ZMYND11: variants seen among roughly 807,000 people sequenced by gnomAD.
The protein encoded by ZMYND11 is zinc finger MYND domain-containing protein 11.
ZMYND11 carries 9 observed loss-of-function variants against 84.9 expected under a neutral mutation model. The ratio of observed to expected loss-of-function variants is 0.11; its 90% CI spans 0.06 to 0.18. The LOEUF (loss-of-function observed/expected upper bound fraction) is 0.18. Among genes scored for constraint, ZMYND11 ranks in the 10% least tolerant of loss-of-function variants. The pLI is 1.00. For synonymous variants in ZMYND11, 250 were observed against 244.1 expected (o/e 1.02, Z -0.23); for missense variants, 409 against 761.0 (o/e 0.54, Z 5.44).
chr10:249,695 C>T, intron 14 of ZMYND11: 1 of 985,384 alleles, frequency 1.0e-6, no homozygotes, highest in Non-Finnish European at 1.2e-6. Context: ...CCTACAGCCG[C>T]CACAGTGCTC....
rs1013657207 is a variant in ZMYND11, at chr10:247,557, T to C, written c.1227+91T>C. 3.0e-6 allele frequency: 4 copies of C among 1,347,610 alleles called. No homozygotes were observed. The East Asian group carries it at 1.0e-4, about 34-fold the overall frequency. The allele number at this position is 1,347,610 out of a possible 1,614,324, so 83.5% of individuals were successfully genotyped here. ...TATTTTCAAAGTATTTCAAAGACAGTCACTCTTGGTGGATACTTGTGAAAT... is the reference window on the plus strand; with the variant it reads ...TATTTTCAAAGTATTTCAAAGACAGCCACTCTTGGTGGATACTTGTGAAAT... On this transcript the variant is annotated intron_variant, in intron 12 of 14. Transcript: ENST00000381604.
chr10:210,145 A>T (rs1344375178), intron 3 of ZMYND11, 97 bp downstream of exon 3: 4 of 1,336,582 alleles, frequency 3.0e-6, no homozygotes, highest in Non-Finnish European at 4.1e-6. Context: ...CAGAAGTTTA[A>T]TATTTCATTT....
chr10:246,862 G>GCT lies in ZMYND11; in HGVS notation c.1048_1049dup (p.Glu351TrpfsTer38). 1 of 1,614,158 alleles carries GCT rather than the reference G, an allele frequency of 6.2e-7. No homozygotes were observed. Among genetic ancestry groups the GCT allele is most frequent in the Non-Finnish European group, 8.5e-7 (1 of 1,180,026 alleles). On this transcript the variant is annotated frameshift_variant, in exon 11 of 15. Transcript: ENST00000381604. LOFTEE classifies it high-confidence loss of function. ...TGGGTTGGAAAAAGGCCTGTGATGA[G>GCT]CTGGAGCTGCATCAGCGTTTCCTAC...
intron 2 of ZMYND11, among the ~76,000 whole-genome samples, chr10:207,829 A>G (rs1359316385): frequency 1.3e-5 from 2 of 152,188 alleles, no homozygotes; most frequent in Non-Finnish European, 2.9e-5. Context: ...AAAAGAGCCC[A>G]CATCGCCAAG....
intron 1 of ZMYND11, among the ~76,000 whole-genome samples, chr10:179,471 A>G (rs1365506624): frequency 6.6e-6 from 1 of 152,174 alleles, no homozygotes; most frequent in Non-Finnish European, 1.5e-5. Flanking sequence ...AACCTTTCAC[A>G]TCTCATTCCA....
chr10:134,148 T>C (rs1465744781), upstream of ZMYND11, among the ~76,000 whole-genome samples: 1 of 152,226 alleles, frequency 6.6e-6, no homozygotes, highest in East Asian at 1.9e-4. Context: ...CTGCCTATAA[T>C]AAAGTTTAAT....
upstream of ZMYND11, chr10:134,475 C>T (rs1467849163): frequency 6.6e-6 from 1 of 152,258 alleles, no homozygotes; most frequent in Non-Finnish European, 1.5e-5. Context: ...ACTTCTCGCG[C>T]AAATCTGCAG....
At chr10:194,049 A>G (rs1941125082) in intron 2 of ZMYND11, among the ~76,000 whole-genome samples, 1 of 152,090 alleles carries the variant, frequency 6.6e-6, no homozygotes. Context: ...CAATAGTACA[A>G]TCTCAGCTCA....
At chr10:159,315 T>C (rs1217398951) in intron 1 of ZMYND11, among the ~76,000 whole-genome samples, 2 of 152,304 alleles carry the variant, frequency 1.3e-5, no homozygotes, top group East Asian at 3.9e-4. Flanking sequence ...ATTATTGCCA[T>C]GTTCCCCTCT....
intron 2 of ZMYND11, among the ~76,000 whole-genome samples, chr10:196,472 A>G (rs1941776598): frequency 6.6e-6 from 1 of 152,192 alleles, no homozygotes; most frequent in African/African-American, 2.4e-5. Flanking sequence ...AGTTTTTAAG[A>G]TGTATATAAT....
intron 12 of ZMYND11, 56 bp downstream of exon 12, chr10:247,522 A>T (rs1952397863): frequency 1.3e-6 from 2 of 1,559,978 alleles, no homozygotes; most frequent in Admixed American, 3.4e-5. Context: ...AATATTTTCA[A>T]AGTATTTTGT....
intron 4 of ZMYND11, among the ~76,000 whole-genome samples, chr10:232,882 A>G (rs1949246721): frequency 6.6e-6 from 1 of 152,208 alleles, no homozygotes; most frequent in African/African-American, 2.4e-5. Flanking sequence ...TTTGTGCAGT[A>G]AAGTCGATTG....
chr10:149,467 T>A (rs1839791807), intron 1 of ZMYND11, among the ~76,000 whole-genome samples: 1 of 151,930 alleles, frequency 6.6e-6, no homozygotes. Context: ...CCTACCACCA[T>A]GCCTGGCTAA....
chr10:171,369 T>C (rs782665818), intron 1 of ZMYND11, among the ~76,000 whole-genome samples: 13 of 152,086 alleles, frequency 8.5e-5, no homozygotes, highest in Non-Finnish European at 1.9e-4. Flanking sequence ...AGATCACACG[T>C]TCTTCTGAAG....
intron 2 of ZMYND11, among the ~76,000 whole-genome samples, chr10:185,720 C>T (rs1166523124): frequency 1.4e-5 from 2 of 146,322 alleles, no homozygotes; most frequent in Non-Finnish European, 3.0e-5. Context: ...GAGGCTGAGG[C>T]AGGAGAGTCA....
chr10:178,842 C>A (rs143106089), intron 1 of ZMYND11, among the ~76,000 whole-genome samples: 39 of 152,194 alleles, frequency 2.6e-4, no homozygotes, highest in African/African-American at 9.4e-4. Flanking sequence ...GTTTTGATAG[C>A]AACTATATAG....
At chr10:197,055 G>T (rs1425594368) in intron 2 of ZMYND11, among the ~76,000 whole-genome samples, 2 of 148,476 alleles carry the variant, frequency 1.3e-5, no homozygotes, top group Non-Finnish European at 3.0e-5. Context: ...GCCCACGTGC[G>T]CAATGTGTTC....
At chr10:199,623 G>A (rs910574781) in intron 2 of ZMYND11, among the ~76,000 whole-genome samples, 3 of 151,748 alleles carry the variant, frequency 2.0e-5, no homozygotes, top group Non-Finnish European at 4.4e-5. Flanking sequence ...TTGTAGAGAC[G>A]AGGTCTTACT....
At chr10:234,443 T>C (rs901468190) in intron 4 of ZMYND11, among the ~76,000 whole-genome samples, 1 of 152,224 alleles carries the variant, frequency 6.6e-6, no homozygotes, top group Non-Finnish European at 1.5e-5. Context: ...TAGTGAATAT[T>C]AAAATTATAT....
Sources: gnomAD v4.1 joint callset for allele counts (sites outside exome capture counted in the v4.1 genomes callset) on GRCh38, gnomAD v4.1.1 for gene constraint, MANE v1.5 for transcripts, NCBI Gene and HGNC (gene_info 2026-07-23, HGNC 2026-07-21) for gene names.